The following PTGER3 variants were observed in gnomAD, a reference collection of about 807,000 sequenced individuals.
PTGER3 encodes the protein prostaglandin E2 receptor EP3 subtype.
PTGER3 carries 22 observed loss-of-function variants against 34.7 expected under a neutral mutation model. The observed-to-expected ratio is 0.63, with a 90% CI of 0.45 to 0.91. The LOEUF (loss-of-function observed/expected upper bound fraction) is 0.91, where lower values mean the gene tolerates loss of function less well. Ranked by LOEUF, PTGER3 falls within the 40% of genes least tolerant of loss-of-function variation. The pLI, the probability that PTGER3 is intolerant of heterozygous loss-of-function variation, is 0.00. For missense variants in PTGER3, 468 were observed against 519.4 expected (o/e 0.90, Z 0.96); for synonymous variants, 241 against 230.1 (o/e 1.05, Z -0.43).
chr1:70,949,143 A>T (rs1320764369), downstream of PTGER3, among the ~76,000 whole-genome samples: 1 of 151,964 alleles, frequency 6.6e-6, no homozygotes, highest in Non-Finnish European at 1.5e-5. Flanking sequence ...ATCTACGGAT[A>T]AATATACGAA....
intron 4 of PTGER3, among the ~76,000 whole-genome samples, chr1:70,887,897 T>A (rs903229009): frequency 2.0e-5 from 3 of 151,428 alleles, no homozygotes; most frequent in East Asian, 1.9e-4. Flanking sequence ...TGTTTGGATA[T>A]AAGATTCTAT....
intron 2 of PTGER3, chr1:71,006,854 C>T (rs932238303): frequency 1.3e-5 from 13 of 985,132 alleles, no homozygotes; most frequent in Non-Finnish European, 1.2e-5. Flanking sequence ...GAAAACACAG[C>T]GACATTTCAG....
At chr1:71,002,127 G>A (rs1461767927) in intron 2 of PTGER3, 2 of 152,072 alleles carry the variant, frequency 1.3e-5, no homozygotes, top group Non-Finnish European at 2.9e-5. Flanking sequence ...GCCTAGTGAG[G>A]TGTCGCATGC....
chr1:70,922,716 AAAGT>A (rs1407579118), intron 4 of PTGER3, among the ~76,000 whole-genome samples: 2 of 152,260 alleles, frequency 1.3e-5, no homozygotes, highest in Admixed American at 1.3e-4. Flanking sequence ...GGATGTAAAG[AAAGT>A]AAAATGTGTT....
intron 4 of PTGER3, among the ~76,000 whole-genome samples, chr1:70,927,129 G>C (rs1648174936): frequency 6.6e-6 from 1 of 152,212 alleles, no homozygotes; most frequent in Admixed American, 6.5e-5. Flanking sequence ...CAAGGATATT[G>C]GTCTAAAATT....
intron 4 of PTGER3, among the ~76,000 whole-genome samples, chr1:70,882,490 T>G (rs1347944397): frequency 2.0e-5 from 3 of 152,174 alleles, no homozygotes; most frequent in African/African-American, 7.2e-5. Context: ...CCCTGTCCAA[T>G]GAAATGAGGA....
chr1:70,967,567 A>G (rs1037763633), downstream of PTGER3, among the ~76,000 whole-genome samples: 1 of 152,190 alleles, frequency 6.6e-6, no homozygotes, highest in African/African-American at 2.4e-5. Context: ...AGCCTGGATT[A>G]ATGAAAAATA....
chr1:71,026,417 G>A (rs902712970), intron 1 of PTGER3, among the ~76,000 whole-genome samples: 3 of 151,966 alleles, frequency 2.0e-5, no homozygotes, highest in African/African-American at 4.8e-5. Context: ...CGAAACTTCT[G>A]AAAAAAATGT....
chr1:70,970,443 T>C (rs887294253), downstream of PTGER3, among the ~76,000 whole-genome samples: 7 of 152,186 alleles, frequency 4.6e-5, no homozygotes, highest in African/African-American at 1.7e-4. Context: ...ATAGTTATAG[T>C]TTATAGCTAA....
chr1:70,973,336 G>T (rs1032187829), intron 3 of PTGER3, among the ~76,000 whole-genome samples: 2 of 152,076 alleles, frequency 1.3e-5, no homozygotes, highest in African/African-American at 2.4e-5. Context: ...AGTAAAAATT[G>T]TATTGGCCTC....
At chr1:70,969,575 T>C (rs1448491160), downstream of PTGER3, among the ~76,000 whole-genome samples, 2 of 152,188 alleles carry the variant, frequency 1.3e-5, no homozygotes, top group Admixed American at 1.3e-4. Context: ...ATGAGTACTA[T>C]GTAACTTCAA....
chr1:70,942,330 G>T (rs765815897), intron 4 of PTGER3, among the ~76,000 whole-genome samples: 2 of 152,110 alleles, frequency 1.3e-5, no homozygotes, highest in African/African-American at 2.4e-5. Context: ...ATAAACTTGT[G>T]TTGTGTTTGT....
chr1:70,875,264 C>T (rs796210202), intron 4 of PTGER3, among the ~76,000 whole-genome samples: 41 of 152,204 alleles, frequency 2.7e-4, no homozygotes, highest in African/African-American at 9.6e-4. Flanking sequence ...TGTGATCAAC[C>T]TCCCTGGGGT....
chr1:71,014,928 G>A (rs759220012), intron 1 of PTGER3, among the ~76,000 whole-genome samples: 17 of 152,174 alleles, frequency 1.1e-4, no homozygotes, highest in African/African-American at 1.7e-4. Context: ...ATTGTCCATC[G>A]AACAGAAATT....
At chr1:71,011,978 G>A in intron 2 of PTGER3, 1 of 1,339,652 alleles carries the variant, frequency 7.5e-7, no homozygotes, top group Non-Finnish European at 9.6e-7. Flanking sequence ...CACATATTCA[G>A]CTACGAATGG....
Position 71,047,715 on chromosome 1 carries a change from C to G in PTGER3, c.-138G>C. 1.1e-6 allele frequency: 1 copy of G among 917,516 alleles called. No individual in the cohort carries two copies. Among genetic ancestry groups the G allele is most frequent in the Non-Finnish European group, 1.5e-6 (1 of 684,342 alleles). 56.8% of individuals were successfully genotyped at this position (917,516 alleles called of 1,614,324 possible). A position where few individuals can be genotyped will look rare whatever the true frequency, so the allele number is the denominator to read the frequency against. On this transcript the variant is annotated 5_prime_UTR_variant, in exon 1 of 4. Coordinates refer to ENST00000306666, the MANE Select transcript of PTGER3 (RefSeq NM_198719.2). ...CCCCCATGGTGCGGGGCGCAGCCGCCGCCCTACTCCGCTGCTGGGACCGCG... is the reference window on the plus strand; with the variant it reads ...CCCCCATGGTGCGGGGCGCAGCCGCGGCCCTACTCCGCTGCTGGGACCGCG...
At chr1:71,009,683 T>C in intron 2 of PTGER3, 1 of 985,100 alleles carries the variant, frequency 1.0e-6, no homozygotes, top group South Asian at 4.7e-5. Context: ...CATGGTTTTC[T>C]TGGCCTTTAA....
chr1:71,005,239 G>A (rs1656844400), intron 2 of PTGER3, among the ~76,000 whole-genome samples: 1 of 152,146 alleles, frequency 6.6e-6, no homozygotes, highest in Non-Finnish European at 1.5e-5. Flanking sequence ...ATGCCACTTT[G>A]ATGACCCTGA....
chr1:70,928,318 A>G (rs1161784309), intron 4 of PTGER3, among the ~76,000 whole-genome samples: 1 of 151,764 alleles, frequency 6.6e-6, no homozygotes, highest in African/African-American at 2.4e-5. Context: ...ATTACAAAAA[A>G]AAAAAGTGGG....
Sources: gnomAD v4.1 joint callset for allele counts (sites outside exome capture counted in the v4.1 genomes callset) on GRCh38, gnomAD v4.1.1 for gene constraint, MANE v1.5 for transcripts, NCBI Gene and HGNC (gene_info 2026-07-23, HGNC 2026-07-21) for gene names.